Variants in PKD2L2 observed in about 807,000 individuals in gnomAD.
PKD2L2 encodes the protein polycystin 2 like 2, transient receptor potential cation channel, also known as polycystin-2-like protein 2.
In PKD2L2, 67 loss-of-function variants were observed where a neutral mutation model predicts 83.9. The ratio of observed to expected loss-of-function variants is 0.80; its 90% CI spans 0.66 to 0.98. The LOEUF (loss-of-function observed/expected upper bound fraction) is 0.98. PKD2L2 is among the 50% of genes least tolerant of loss of function. The probability of loss-of-function intolerance (pLI) is 0.00; values close to 1 mark genes in which losing one functional copy is unlikely to be tolerated. For missense variants in PKD2L2, 632 were observed against 717.2 expected, an observed-to-expected ratio of 0.88 and a Z score of 1.36; for synonymous variants, 223 against 237.8, an observed-to-expected ratio of 0.94 and a Z score of 0.57.
At chr5:137,912,680 C>T (rs912165699) in intron 8 of PKD2L2, among the ~76,000 whole-genome samples, 1 of 150,870 alleles carries the variant, frequency 6.6e-6, no homozygotes, top group African/African-American at 2.4e-5. Context: ...CTTGCATTTT[C>T]CTGATGATTA....
intron 8 of PKD2L2, among the ~76,000 whole-genome samples, chr5:137,915,178 G>C (rs1194893270): frequency 6.6e-6 from 1 of 151,992 alleles, no homozygotes; most frequent in East Asian, 1.9e-4. Flanking sequence ...ATTTTTGGAA[G>C]AGTTCGAAGA....
chr5:137,918,844 CTTTT>C (rs796480261), intron 8 of PKD2L2, among the ~76,000 whole-genome samples: 1 of 144,620 alleles, frequency 6.9e-6, no homozygotes, highest in Non-Finnish European at 1.5e-5. Flanking sequence ...TTCCAAGAAT[CTTTT>C]TTTTTTTTTT....
chr5:137,922,362 T>G (rs753232285), intron 9 of PKD2L2, among the ~76,000 whole-genome samples: 4 of 152,222 alleles, frequency 2.6e-5, no homozygotes, highest in African/African-American at 9.7e-5. Flanking sequence ...ACATTTGTGT[T>G]ATCTGGACAT....
intron 8 of PKD2L2, among the ~76,000 whole-genome samples, chr5:137,909,484 A>G (rs1757630566): frequency 1.3e-5 from 2 of 151,724 alleles, no homozygotes; most frequent in Admixed American, 1.3e-4. Flanking sequence ...TTTACCTAAG[A>G]TAATAGAAAT....
At chr5:137,919,525 TC>T (rs369318696) in intron 8 of PKD2L2, among the ~76,000 whole-genome samples, 1 of 151,362 alleles carries the variant, frequency 6.6e-6, no homozygotes, top group African/African-American at 2.4e-5. Flanking sequence ...TTTTTTTTTT[TC>T]CCCAACTCAA....
At chr5:137,913,184 CTTTTTT>C (rs35984179) in intron 8 of PKD2L2, among the ~76,000 whole-genome samples, 1,562 of 104,840 alleles carry the variant, frequency 0.015, 29 homozygotes, top group African/African-American at 0.053. Context: ...CTTCTTTTTT[CTTTTTT>C]TTTTTTTTTT....
At chr5:137,912,605 G>A (rs1441081933) in intron 8 of PKD2L2, among the ~76,000 whole-genome samples, 1 of 151,912 alleles carries the variant, frequency 6.6e-6, no homozygotes, top group African/African-American at 2.4e-5. Context: ...GACCTCAAGT[G>A]ATCCACCAGC....
chr5:137,905,834 C>T (rs1383372083), intron 5 of PKD2L2, among the ~76,000 whole-genome samples: 2 of 152,006 alleles, frequency 1.3e-5, no homozygotes, highest in African/African-American at 4.8e-5. Context: ...TAACTAATAA[C>T]AGTAACTAAC....
intron 2 of PKD2L2, among the ~76,000 whole-genome samples, chr5:137,891,721 G>A (rs766916895): frequency 3.3e-4 from 50 of 149,826 alleles, no homozygotes; most frequent in Non-Finnish European, 6.1e-4. Context: ...TTTTGAGACA[G>A]TCTCGCTCTG....
chr5:137,908,369 C>T (rs549634447), intron 7 of PKD2L2, among the ~76,000 whole-genome samples: 4 of 152,114 alleles, frequency 2.6e-5, no homozygotes, highest in Non-Finnish European at 4.4e-5. Flanking sequence ...GGGCGGATCA[C>T]CTGAGCTCAG....
At chr5:137,899,251 G>A (rs1456871099) in intron 4 of PKD2L2, among the ~76,000 whole-genome samples, 2 of 152,086 alleles carry the variant, frequency 1.3e-5, no homozygotes, top group Non-Finnish European at 2.9e-5. Context: ...TGAGCAGGTG[G>A]GACTACAGGC....
chr5:137,933,022 T>C (rs866584939), intron 12 of PKD2L2, among the ~76,000 whole-genome samples: 33 of 79,192 alleles, frequency 4.2e-4, no homozygotes, highest in African/African-American at 6.8e-4. Flanking sequence ...GCAGTGCCAA[T>C]AGAAACAGAA....
Position 137,936,403 on chromosome 5 carries a change from C to A in PKD2L2, c.1868C>A (p.Ala623Asp). 1 of 1,534,886 alleles carries A rather than the reference C, an allele frequency of 6.5e-7. No individual in the cohort carries two copies. Reference protein sequence around the residue: ...KLNQVVRKVSAL With the variant: ...KLNQVVRKVSDL Reference sequence around the variant, plus strand: ...AATCAAGTGGTGAGAAAGGTTTCAGCTCTATAGTATTGAGACAAGTGGAGG... The same window carrying A: ...AATCAAGTGGTGAGAAAGGTTTCAGATCTATAGTATTGAGACAAGTGGAGG... Residue 623 changes from alanine (A) to aspartate (D), a missense_variant, in exon 14 of 15, where the codon GCT becomes GAT. Ala to Asp is a moderately radical substitution (Grantham distance 126, BLOSUM62 -2). Around this residue, in one of 3 missense-constraint regions of PKD2L2, gnomAD observed 399 missense variants for 416.9 expected, o/e 0.96. Coordinates refer to ENST00000508883, the MANE Select transcript of PKD2L2 (RefSeq NM_001300921.2).
intron 9 of PKD2L2, among the ~76,000 whole-genome samples, chr5:137,922,808 T>A (rs539992302): frequency 6.6e-6 from 1 of 152,236 alleles, no homozygotes; most frequent in Non-Finnish European, 1.5e-5. Context: ...TTATGTAATA[T>A]TAATTTGTGT....
At chr5:137,940,191 T>A in intron 14 of PKD2L2, 13 of 1,613,784 alleles carry the variant, frequency 8.1e-6, no homozygotes, top group Non-Finnish European at 1.1e-5. Context: ...GGAATACAAC[T>A]GACTTTATGA....
Position 137,906,354 on chromosome 5 carries a change from C to A in PKD2L2, c.895C>A (p.Gln299Lys). The change falls in exon 6 of 15, where the codon CAA becomes AAA. Residue 299 changes from glutamine to lysine, a missense_variant. Around this residue, in one of 3 missense-constraint regions of PKD2L2, gnomAD observed 399 missense variants for 416.9 expected, o/e 0.96. Coordinates refer to ENST00000508883, the MANE Select transcript of PKD2L2 (RefSeq NM_001300921.2). ...FCIFLFVFTT[Q>K]EVKKIKEFKS... ...TATTTTTCTTTTTGTCTTCACAACA[C>A]AAGAAGTCAAAAAAATAAAAGAATT... is the stretch of plus-strand genomic sequence containing the variant. 6.2e-7 allele frequency: 1 copy of A among 1,608,066 alleles called. No homozygotes were observed. The highest frequency in any genetic ancestry group is 8.5e-7 in the Non-Finnish European group (1 of 1,175,258).
chr5:137,897,937 A>T (rs2534734), intron 4 of PKD2L2, among the ~76,000 whole-genome samples: 1 of 151,836 alleles, frequency 6.6e-6, no homozygotes, highest in South Asian at 2.1e-4. Context: ...CTGTAATTAA[A>T]TTAAAAAATA....
intron 6 of PKD2L2, 112 bp from the exon 7 acceptor site, chr5:137,907,630 C>T: frequency 7.7e-6 from 4 of 521,412 alleles, no homozygotes; most frequent in South Asian, 5.8e-5. Flanking sequence ...CCTATCTTTC[C>T]TTCCCTCTTT....
In PKD2L2 at chr5:137,908,889, T is replaced by A. The variant is rs1309331562; in HGVS notation, c.1271T>A (p.Leu424Ter). The A allele has an allele frequency of 6.2e-7, 1 of 1,609,802 alleles. No individual in the cohort carries two copies. Among genetic ancestry groups the A allele is most frequent in the South Asian group, 1.1e-5 (1 of 90,398 alleles). ...ATAATATTCTTTGCTTATGCCCAGT[T>A]AGGATTTCTTGTTTTTGGATCACAA... ...FFIIFFAYAQ[L>*]GFLVFGSQVD... The change falls in exon 8 of 15, where the codon TTA (leucine) becomes TAA (stop). Residue 424 changes from leucine (L) to a stop codon, truncating the protein, a stop_gained. Transcript: ENST00000508883. LOFTEE classifies it high-confidence loss of function.
Sources: gnomAD v4.1 joint callset for allele counts (sites outside exome capture counted in the v4.1 genomes callset) on GRCh38, gnomAD v4.1.1 for gene constraint, gnomAD v4.1.1 regional missense constraint, MANE v1.5 for transcripts, NCBI Gene and HGNC (gene_info 2026-07-23, HGNC 2026-07-21) for gene names.